The following NOX1 variants were observed in gnomAD, a reference collection of about 807,000 sequenced individuals.
NOX1 encodes NADPH oxidase 1, also known as NADH/NADPH mitogenic oxidase subunit P65-MOX.
In NOX1, 34 loss-of-function variants were observed where a neutral mutation model predicts 42.5. That is an observed-to-expected ratio of 0.80 (90% CI 0.61 to 1.07). NOX1 has a LOEUF of 1.07. NOX1 is among the 50% of genes least tolerant of loss of function. NOX1 has a pLI of 0.00. For synonymous variants in NOX1, 143 were observed against 152.5 expected (o/e 0.94, Z 0.46); for missense variants, 408 against 427.0 (o/e 0.96, Z 0.39).
intron 12 of NOX1, among the ~76,000 whole-genome samples, chrX:100,847,943 C>T (rs960114733): frequency 5.5e-5 from 6 of 109,928 alleles, no homozygotes; most frequent in African/African-American, 2.0e-4. Flanking sequence ...AGATTGAGCT[C>T]AGGTGGCCAG....
chrX:100,856,778 G>C (rs749576061), intron 7 of NOX1, among the ~76,000 whole-genome samples: 9 of 110,828 alleles, frequency 8.1e-5, no homozygotes, highest in Non-Finnish European at 1.5e-4. Flanking sequence ...TTCCTATGTT[G>C]CTCAGATTGG....
chrX:100,862,602 C>A (rs375806089), intron 5 of NOX1, 29 bp from the exon 6 acceptor site: 8 of 1,194,662 alleles, frequency 6.7e-6, no homozygotes, highest in Non-Finnish European at 9.0e-6. Context: ...CAGCCTGACA[C>A]AATGTCCACC....
intron 7 of NOX1, among the ~76,000 whole-genome samples, chrX:100,859,420 C>T (rs188498454): frequency 1.3e-4 from 15 of 111,224 alleles, no homozygotes; most frequent in African/African-American, 4.9e-4. Context: ...ATCTCTGCCA[C>T]GTTTTGGTAT....
rs1436554744 is a variant in NOX1 at position 100,851,271 on chromosome X, G to A, written c.859C>T (p.Arg287Trp). The change falls in exon 8 of 13, where the codon CGG becomes TGG. Residue 287 changes from arginine to tryptophan, a missense_variant. Coordinates refer to ENST00000372966, the MANE Select transcript of NOX1 (RefSeq NM_007052.5). ...VILYICERILRFYRSQQKVVI... is the reference protein window; with the variant it reads ...VILYICERILWFYRSQQKVVI... ...ACCTTCTGCTGGGAGCGGTAAAACCGGAGGATCCTTTCACAGATATAAAGA... is the reference window on the plus strand; with the variant it reads ...ACCTTCTGCTGGGAGCGGTAAAACCAGAGGATCCTTTCACAGATATAAAGA... 1.1e-5 allele frequency: 13 copies of A among 1,195,876 alleles called. No individual in the cohort carries two copies. Among genetic ancestry groups the A allele is most frequent in the African/African-American group, 3.5e-5 (2 of 56,664 alleles).
intron 8 of NOX1, among the ~76,000 whole-genome samples, chrX:100,850,972 T>G (rs2085110188): frequency 9.0e-6 from 1 of 111,090 alleles, no homozygotes; most frequent in African/African-American, 3.3e-5. Context: ...CCCAAGTAGC[T>G]GGAATTACAG....
chrX:100,868,430 G>A (rs1232436871), intron 2 of NOX1, among the ~76,000 whole-genome samples: 7 of 111,186 alleles, frequency 6.3e-5, no homozygotes, highest in Non-Finnish European at 1.3e-4. Flanking sequence ...GGCAGCATCC[G>A]GGTTCATCAG....
chrX:100,846,427 A>G (rs1402475580), intron 12 of NOX1, among the ~76,000 whole-genome samples: 1 of 111,414 alleles, frequency 9.0e-6, no homozygotes, highest in Non-Finnish European at 1.9e-5. Context: ...TGTTCTGTCT[A>G]TAAATATGCT....
chrX:100,856,754 G>A (rs2085170248), intron 7 of NOX1, among the ~76,000 whole-genome samples: 1 of 110,605 alleles, frequency 9.0e-6, no homozygotes, highest in South Asian at 3.9e-4. Context: ...TTAATATTCT[G>A]TAGAGACAAG....
chrX:100,867,667 G>A (rs977041137), intron 2 of NOX1, among the ~76,000 whole-genome samples: 5 of 110,574 alleles, frequency 4.5e-5, no homozygotes, highest in African/African-American at 1.6e-4. Context: ...GGAGAGTCGA[G>A]GCTGCAGTGA....
At chrX:100,872,090 A>G (rs2085278478) in intron 1 of NOX1, among the ~76,000 whole-genome samples, 1 of 112,085 alleles carries the variant, frequency 8.9e-6, no homozygotes, top group Non-Finnish European at 1.9e-5. Flanking sequence ...TAAGAGATCA[A>G]TAAGTGCTAG....
chrX:100,856,401 C>T, intron 7 of NOX1: 1 of 496,296 alleles, frequency 2.0e-6, no homozygotes, highest in Non-Finnish European at 3.6e-6. Context: ...AGAAGAGAGA[C>T]TTTAACGATG....
Position 100,874,098 on chromosome X carries a change from A to C in NOX1, c.42T>G (p.Phe14Leu). 8.3e-7 allele frequency: 1 copy of C among 1,199,807 alleles called. No homozygotes were observed. The highest frequency in any genetic ancestry group is 1.1e-6 in the Non-Finnish European group (1 of 885,429). ...TAGGAAGTCAAACATCACTTACCAG[A>C]AACAAAACTGAAAACCAGTGGTTAA... ...WVVNHWFSVLFLVVWLGLNVF... is the reference protein window; with the variant it reads ...WVVNHWFSVLLLVVWLGLNVF... Residue 14 changes from phenylalanine (F) to leucine (L), a missense_variant, in exon 1 of 13, where the codon TTT becomes TTG. Phe to Leu is a conservative substitution (Grantham distance 22). Coordinates refer to ENST00000372966, the MANE Select transcript of NOX1 (RefSeq NM_007052.5).
At chrX:100,857,798 T>G (rs183863894) in intron 7 of NOX1, among the ~76,000 whole-genome samples, 1 of 110,903 alleles carries the variant, frequency 9.0e-6, no homozygotes, top group Admixed American at 9.6e-5. Flanking sequence ...TTAGGTTCCT[T>G]ATAGATGCTA....
chrX:100,874,116 G>C lies in NOX1; in HGVS notation c.24C>G (p.His8Gln). 18 of 1,205,285 alleles carry C rather than the reference G, an allele frequency of 1.5e-5. No homozygotes were observed. Among genetic ancestry groups the C allele is most frequent in the Non-Finnish European group, 2.0e-5 (18 of 890,393 alleles). Residue 8 changes from histidine (H) to glutamine (Q), a missense_variant, in exon 1 of 13, where the codon CAC becomes CAG. Transcript: ENST00000372966. MGNWVVN[H>Q]WFSVLFLVVW... ...TTACCAGAAACAAAACTGAAAACCA[G>C]TGGTTAACCACCCAGTTTCCCATTG...
intron 8 of NOX1, among the ~76,000 whole-genome samples, chrX:100,850,706 T>C (rs980458330): frequency 1.8e-5 from 2 of 112,451 alleles, no homozygotes; most frequent in Admixed American, 9.4e-5. Flanking sequence ...AAACAAAATA[T>C]AGCTGTGAAC....
intron 12 of NOX1, among the ~76,000 whole-genome samples, chrX:100,845,008 T>C (rs761252807): frequency 2.0e-4 from 22 of 111,230 alleles, no homozygotes; most frequent in Non-Finnish European, 4.1e-4. Context: ...CTCACCGTCT[T>C]CTTCCTTCTC....
intron 7 of NOX1, among the ~76,000 whole-genome samples, chrX:100,853,481 A>C (rs2085144940): frequency 1.1e-5 from 1 of 86,964 alleles, no homozygotes; most frequent in South Asian, 5.0e-4. Context: ...GCTCACTGCA[A>C]CCCCCGCCTC....
Position 100,849,945 on chromosome X carries a change from A to G in NOX1, c.1134-11T>C. Reference sequence around the variant, plus strand: ...CCATCCACTTCAATCCTGGCAGAAGACAGAAGATAACGGGCAACTGAAGAC... The same window carrying G: ...CCATCCACTTCAATCCTGGCAGAAGGCAGAAGATAACGGGCAACTGAAGAC... On this transcript the variant is annotated splice_polypyrimidine_tract_variant and intron_variant, in intron 9 of 12. Coordinates refer to ENST00000372966, the MANE Select transcript of NOX1 (RefSeq NM_007052.5). 8.5e-7 allele frequency: 1 copy of G among 1,181,573 alleles called. No homozygotes were observed. The highest frequency in any genetic ancestry group is 3.0e-5 in the East Asian group (1 of 33,548).
rs767555899 is a variant in NOX1 at position 100,843,440 on chromosome X, T to C, written c.*512A>G. ...GTAAACATGTACACTGTTGGTGTTA[T>C]ATGGGGATGGGGTTCTCGGTAATTT... On this transcript the variant is annotated 3_prime_UTR_variant, in exon 13 of 13. Transcript: ENST00000372966. 3 of 1,126,547 alleles carry C rather than the reference T, an allele frequency of 2.7e-6. No homozygotes were observed. The highest frequency in any genetic ancestry group is 4.6e-5 in the South Asian group (2 of 43,400). The allele number at this position is 1,126,547 out of a possible 1,213,427, so 92.8% of individuals were successfully genotyped here. A position where few individuals can be genotyped will look rare whatever the true frequency, so the allele number is the denominator to read the frequency against.
Sources: gnomAD v4.1 joint callset for allele counts (sites outside exome capture counted in the v4.1 genomes callset) on GRCh38, gnomAD v4.1.1 for gene constraint, MANE v1.5 for transcripts, NCBI Gene and HGNC (gene_info 2026-07-23, HGNC 2026-07-21) for gene names.